PATJ: variants seen among roughly 807,000 people sequenced by gnomAD.
The protein encoded by PATJ is PATJ crumbs cell polarity complex component, also known as inaD-like protein.
Under a neutral mutation model 224.9 loss-of-function variants are expected in PATJ, and 190 were observed. The ratio of observed to expected loss-of-function variants is 0.84; its 90% CI spans 0.75 to 0.95. The LOEUF (loss-of-function observed/expected upper bound fraction) is 0.95, where lower values mean the gene tolerates loss of function less well. Among genes scored for constraint, PATJ ranks in the 40% least tolerant of loss-of-function variants. PATJ has a pLI of 0.00. For synonymous variants in PATJ, 769 were observed against 820.3 expected (o/e 0.94, Z 1.07); for missense variants, 2,121 against 2,270.3 (o/e 0.93, Z 1.34).
intron 34 of PATJ, among the ~76,000 whole-genome samples, chr1:62,110,253 A>G (rs112275805): frequency 0.017 from 2,519 of 152,244 alleles, 54 homozygotes; most frequent in South Asian, 0.084. Context: ...TTCCTTTCTA[A>G]ACAGCTTTCT....
chr1:62,032,654 C>G (rs764123054), intron 29 of PATJ, among the ~76,000 whole-genome samples: 1 of 152,122 alleles, frequency 6.6e-6, no homozygotes, highest in Non-Finnish European at 1.5e-5. Context: ...GTGTTTTCCA[C>G]AAACATAAAT....
chr1:61,888,331 C>T (rs182002709), intron 22 of PATJ, among the ~76,000 whole-genome samples: 88 of 152,278 alleles, frequency 5.8e-4, no homozygotes, highest in Admixed American at 5.4e-3. Flanking sequence ...GGCTGGAGTG[C>T]AGTGGGACCA....
At chr1:62,139,399 CA>C (rs4019658) in intron 41 of PATJ, among the ~76,000 whole-genome samples, 1,019 of 94,544 alleles carry the variant, frequency 0.011, 7 homozygotes, top group African/African-American at 0.024. Flanking sequence ...GACTCCATCT[CA>C]AAAAAAAAAA....
chr1:61,800,933 T>C (rs1652351927), intron 11 of PATJ, among the ~76,000 whole-genome samples: 1 of 152,232 alleles, frequency 6.6e-6, no homozygotes, highest in South Asian at 2.1e-4. Context: ...GGCTGCGTAG[T>C]GTTCCATCGT....
chr1:61,766,225 TA>T, intron 3 of PATJ, 53 bp from the exon 4 acceptor site: 1 of 1,238,622 alleles, frequency 8.1e-7, no homozygotes, highest in Non-Finnish European at 1.1e-6. Flanking sequence ...ATTTAATAAA[TA>T]GAAACAATTT....
intron 28 of PATJ, among the ~76,000 whole-genome samples, chr1:62,011,236 T>C (rs1408542650): frequency 6.6e-6 from 1 of 152,254 alleles, no homozygotes; most frequent in African/African-American, 2.4e-5. Flanking sequence ...GCAACAGGCC[T>C]AGCTTTCAGC....
Position 61,990,273 on chromosome 1 carries a change from G to C in PATJ, c.3776G>C (p.Arg1259Pro). 2 of 1,614,016 alleles carry C rather than the reference G, an allele frequency of 1.2e-6. No homozygotes were observed. Among genetic ancestry groups the C allele is most frequent in the Non-Finnish European group, 1.7e-6 (2 of 1,179,918 alleles). ...CTCAGCCTTGCTGGTAATAAAGACC[G>C]ATCACGCATGAGCATATTTGTGGTG... Reference protein sequence around the residue: ...LGLSLAGNKDRSRMSIFVVGI... With the variant: ...LGLSLAGNKDPSRMSIFVVGI... Residue 1259 changes from arginine (R) to proline (P), a missense_variant, in exon 28 of 44, where the codon CGA becomes CCA. Physicochemically the swap from Arg to Pro is moderately radical, Grantham distance 103 (BLOSUM62 -2). Coordinates refer to ENST00000642238, the MANE Select transcript of PATJ (RefSeq NM_001350145.3).
At chr1:61,827,699 T>A (rs1011062103) in intron 16 of PATJ, 116 bp downstream of exon 16, 8 of 914,950 alleles carry the variant, frequency 8.7e-6, no homozygotes, top group Non-Finnish European at 1.3e-5. Context: ...CTTTTTTTGC[T>A]TGACTAAGGC....
At chr1:61,893,999 T>A (rs12127652) in intron 22 of PATJ, among the ~76,000 whole-genome samples, 130,545 of 152,018 alleles carry the variant, frequency 0.86, 56,106 homozygotes, top group East Asian at 1. Context: ...TCATGCCTGT[T>A]ATCCTAGCAC....
In PATJ at chr1:61,896,295, C is replaced by CA. The variant is rs386367129; in HGVS notation, c.3132-3274dup. Among the ~76,000 whole-genome samples, 589 of 143,922 alleles carry CA rather than the reference C, an allele frequency of 4.1e-3. 3 individuals are homozygous for CA. Among genetic ancestry groups the CA allele is most frequent in the African/African-American group, 9.9e-3 (383 of 38,610 alleles). 94.4% of individuals were successfully genotyped at this position (143,922 alleles called of 152,430 possible). A position where few individuals can be genotyped will look rare whatever the true frequency, so the allele number is the denominator to read the frequency against. ...TGGGCGACAGAGGGAGACTCCATCT[C>CA]AAAAAAAAAAAAAATTTAATGACTA... On this transcript the variant is annotated intron_variant, in intron 22 of 43. Transcript: ENST00000642238.
intron 27 of PATJ, among the ~76,000 whole-genome samples, chr1:61,985,256 G>A (rs1011815401): frequency 6.6e-6 from 1 of 151,826 alleles, no homozygotes; most frequent in African/African-American, 2.4e-5. Context: ...AGGTTGCAGT[G>A]AACCGAGATC....
At chr1:61,874,144 A>G (rs2149022402) in intron 20 of PATJ, among the ~76,000 whole-genome samples, 1 of 152,126 alleles carries the variant, frequency 6.6e-6, no homozygotes, top group South Asian at 2.1e-4. Flanking sequence ...CACAGGGTGG[A>G]AGAGTGGAAT....
intron 43 of PATJ, among the ~76,000 whole-genome samples, chr1:62,156,147 A>T (rs1669187434): frequency 6.6e-6 from 1 of 150,804 alleles, no homozygotes. Context: ...AGGCTGAGGC[A>T]GGAGAATAAC....
intron 6 of PATJ, among the ~76,000 whole-genome samples, chr1:61,773,727 C>T (rs1646750990): frequency 6.6e-6 from 1 of 151,750 alleles, no homozygotes; most frequent in Admixed American, 6.6e-5. Context: ...GCGGAGGTTG[C>T]AGTGAGCTAT....
intron 28 of PATJ, among the ~76,000 whole-genome samples, chr1:62,000,723 T>A (rs1324836413): frequency 5.3e-5 from 8 of 150,908 alleles, no homozygotes; most frequent in Admixed American, 5.3e-4. Context: ...AGTAATGGGA[T>A]GGCTGGGTCA....
rs551473953 is a variant in PATJ, at chr1:61,988,686, GC to G, written c.3671-1475del. ...CCGATTTATTTTCATTCTAAAATAA[GC>G]CCCCCCTTGTGCTTTATTCTTTTAT... On this transcript the variant is annotated intron_variant, in intron 27 of 43. Transcript: ENST00000642238. Among the ~76,000 whole-genome samples the G allele has an allele frequency of 5.9e-5, 9 of 152,066 alleles. No homozygotes were observed. In the South Asian group the frequency reaches 1.7e-3, roughly 28 times the overall value.
In PATJ at chr1:61,833,740, A is replaced by T; in HGVS notation, c.2067A>T (p.Leu689=). 6.2e-7 allele frequency: 1 copy of T among 1,613,658 alleles called. No homozygotes were observed. The highest frequency in any genetic ancestry group is 1.1e-5 in the South Asian group (1 of 91,044). The change falls in exon 17 of 44, where the codon CTA becomes CTT. Residue 689 remains leucine, a synonymous_variant. Transcript: ENST00000642238. Reference sequence around the variant, plus strand: ...CCCCTGAAGTCAAGATTGTTGAACTAGTAAAAGATTGTAAAGGTTTGGGAT... The same window carrying T: ...CCCCTGAAGTCAAGATTGTTGAACTTGTAAAAGATTGTAAAGGTTTGGGAT... ...LWSPEVKIVE[L]VKDCKGLGFS...
intron 41 of PATJ, among the ~76,000 whole-genome samples, chr1:62,129,713 G>A (rs1471551921): frequency 2.0e-5 from 3 of 152,180 alleles, no homozygotes; most frequent in South Asian, 2.1e-4. Flanking sequence ...GGCTGAGGTG[G>A]GCGGATCACC....
intron 27 of PATJ, among the ~76,000 whole-genome samples, chr1:61,949,628 C>T (rs551113554): frequency 6.6e-6 from 1 of 152,204 alleles, no homozygotes; most frequent in Non-Finnish European, 1.5e-5. Context: ...GTGAATAGGC[C>T]AGGTGCAGCA....
Sources: allele counts gnomAD v4.1 joint callset (sites outside exome capture counted in the v4.1 genomes callset), GRCh38; gene constraint gnomAD v4.1.1; transcripts MANE v1.5; gene names NCBI Gene and HGNC (gene_info 2026-07-23, HGNC 2026-07-21).